GSDMC: variants seen among roughly 807,000 people sequenced by gnomAD.
GSDMC encodes the protein gasdermin-C.
GSDMC carries 59 observed loss-of-function variants against 58.0 expected under a neutral mutation model. That is an observed-to-expected ratio of 1.02 (90% CI 0.82 to 1.26). The LOEUF (loss-of-function observed/expected upper bound fraction) is 1.26. Ranked by LOEUF, GSDMC falls within the 50% of genes most tolerant of loss-of-function variation. The pLI is 0.00. For synonymous variants in GSDMC, 241 were observed against 220.2 expected, an observed-to-expected ratio of 1.09 and a Z score of -0.83; for missense variants, 659 against 598.5, an observed-to-expected ratio of 1.10 and a Z score of -1.06.
chr8:129,728,533 T>C, the GSDMC span, among the ~76,000 whole-genome samples: 49,375 of 152,122 alleles, frequency 0.32, 11,614 homozygotes, highest in African/African-American at 0.65. Context: ...CCTGCCATCA[T>C]GGGACCTGCA....
intron 3 of GSDMC, among the ~76,000 whole-genome samples, chr8:129,773,132 A>G (rs577690265): frequency 1.3e-5 from 2 of 152,344 alleles, no homozygotes; most frequent in African/African-American, 4.8e-5. Flanking sequence ...AATGAAGGCT[A>G]TACATGGTCA....
At position 129,748,597 on chromosome 8, in the gene GSDMC, C is replaced by T; in HGVS notation, c.1431G>A (p.Leu477=). 4.3e-5 allele frequency: 69 copies of T among 1,613,740 alleles called. No individual in the cohort carries two copies. The highest frequency in any genetic ancestry group is 5.8e-5 in the Non-Finnish European group (68 of 1,179,812). ...LLEECGLRME[L]DNPRSTWDVE... Reference sequence around the variant, plus strand: ...CATCCCAGGTTGACCTGGGGTTATCCAGCTCCATCCTAAGGCCACACTCCT... The same window carrying T: ...CATCCCAGGTTGACCTGGGGTTATCTAGCTCCATCCTAAGGCCACACTCCT... The change falls in exon 14 of 14, where the codon CTG becomes CTA. Residue 477 remains leucine, a synonymous_variant. Transcript: ENST00000276708.
At chr8:129,747,381 G>A (rs2032987811), downstream of GSDMC, among the ~76,000 whole-genome samples, 1 of 152,100 alleles carries the variant, frequency 6.6e-6, no homozygotes, top group Admixed American at 6.5e-5. Flanking sequence ...AGCAAGATGG[G>A]AGAAGAACTC....
chr8:129,743,364 G>T (rs1177158588), downstream of GSDMC, among the ~76,000 whole-genome samples: 1 of 151,946 alleles, frequency 6.6e-6, no homozygotes, highest in Non-Finnish European at 1.5e-5. Context: ...CTACTAACAA[G>T]CCTGTACAGT....
At chr8:129,715,045 A>G in the GSDMC span, among the ~76,000 whole-genome samples, 1 of 152,218 alleles carries the variant, frequency 6.6e-6, no homozygotes, top group Non-Finnish European at 1.5e-5. Flanking sequence ...ACCTGAAGTG[A>G]TAACATATTA....
intron 5 of GSDMC, among the ~76,000 whole-genome samples, chr8:129,761,871 C>T (rs1169201600): frequency 6.6e-6 from 1 of 152,200 alleles, no homozygotes; most frequent in African/African-American, 2.4e-5. Context: ...GACATCAGGA[C>T]ACTCCCGTGA....
At chr8:129,740,964 T>A in the GSDMC span, among the ~76,000 whole-genome samples, 2 of 152,300 alleles carry the variant, frequency 1.3e-5, no homozygotes, top group East Asian at 3.9e-4. Flanking sequence ...TCTGGTAGCC[T>A]TGCCGTTTCA....
At chr8:129,727,343 A>T in the GSDMC span, among the ~76,000 whole-genome samples, 3,694 of 152,302 alleles carry the variant, frequency 0.024, 169 homozygotes, top group African/African-American at 0.083. Context: ...TGTGAGCTTA[A>T]TTCAAGAAGG....
intron 2 of GSDMC, among the ~76,000 whole-genome samples, chr8:129,776,576 C>A (rs2034233443): frequency 6.6e-6 from 1 of 152,176 alleles, no homozygotes; most frequent in South Asian, 2.1e-4. Context: ...TGGGATCATC[C>A]TTTCAGGCAC....
At chr8:129,744,853 C>T (rs2032929515), downstream of GSDMC, among the ~76,000 whole-genome samples, 1 of 152,176 alleles carries the variant, frequency 6.6e-6, no homozygotes, top group Non-Finnish European at 1.5e-5. Context: ...ACCATGTGCT[C>T]ATTTAACAAT....
At chr8:129,708,552 A>G in the GSDMC span, among the ~76,000 whole-genome samples, 1 of 152,248 alleles carries the variant, frequency 6.6e-6, no homozygotes, top group African/African-American at 2.4e-5. Context: ...TATATTCACC[A>G]GGACTCTGAG....
At chr8:129,747,697 G>T (rs1185497096), downstream of GSDMC, among the ~76,000 whole-genome samples, 5 of 152,128 alleles carry the variant, frequency 3.3e-5, no homozygotes, top group African/African-American at 4.8e-5. Context: ...AGGAAAATTT[G>T]AAGAGAACAA....
In GSDMC at chr8:129,749,436, C is replaced by G. The variant is rs769350741; in HGVS notation, c.1287+16G>C. 1 of 1,576,006 alleles carries G rather than the reference C, an allele frequency of 6.3e-7. No individual in the cohort carries two copies. The highest frequency in any genetic ancestry group is 1.1e-5 in the South Asian group (1 of 90,320). ...CACCCTCTTCCCTGAACTTCTGGCC[C>G]CTGGGAAGTTCTCACCAGCTCCTGT... On this transcript the variant is annotated intron_variant, in intron 13 of 13. Transcript: ENST00000276708.
chr8:129,777,451 C>G lies in GSDMC; in HGVS notation c.137G>C (p.Arg46Pro). 1 of 1,613,440 alleles carries G rather than the reference C, an allele frequency of 6.2e-7. No individual in the cohort carries two copies. The highest frequency in any genetic ancestry group is 8.5e-7 in the Non-Finnish European group (1 of 1,179,386). Reference sequence around the variant, plus strand: ...GTCAGATTGTTCCCAAAATGATGAACGAGAATCCTTCTTCTTTCGTAATAT... The same window carrying G: ...GTCAGATTGTTCCCAAAATGATGAAGGAGAATCCTTCTTCTTTCGTAATAT... ...FVILRKKKDS[R>P]SSFWEQSDYV... The change falls in exon 2 of 14, where the codon CGT (arginine) becomes CCT (proline). Residue 46 changes from arginine (R) to proline (P), a missense_variant. Arg to Pro is a moderately radical substitution (Grantham distance 103). Coordinates refer to ENST00000276708, the MANE Select transcript of GSDMC (RefSeq NM_031415.3).
At chr8:129,729,651 T>C in the GSDMC span, 3,703 of 359,364 alleles carry the variant, frequency 0.01, 140 homozygotes, top group African/African-American at 0.073. Context: ...CATCCTTTTT[T>C]ATGGCTGCAT....
At chr8:129,720,462 C>T in the GSDMC span, among the ~76,000 whole-genome samples, 659 of 152,200 alleles carry the variant, frequency 4.3e-3, 7 homozygotes, top group African/African-American at 0.013. Context: ...CTGTAATAAA[C>T]ATATACACGT....
At chr8:129,728,668 A>C in the GSDMC span, 1 of 326,450 alleles carries the variant, frequency 3.1e-6, no homozygotes, top group Non-Finnish European at 5.9e-6. Flanking sequence ...ACAAGGATCA[A>C]GTATATACCC....
At position 129,786,150 on chromosome 8, in the gene GSDMC, T is replaced by C. The variant is rs975184755; in HGVS notation, c.-144A>G. On this transcript the variant is annotated 5_prime_UTR_variant, in exon 1 of 14. Coordinates refer to ENST00000276708, the MANE Select transcript of GSDMC (RefSeq NM_031415.3). The stretch of plus-strand genomic sequence containing the variant: ...GAGTTCAAGATCAGCCAGGCCAAGA[T>C]GGTGAAACCCTGTCTCTACTGAAAA... 1 of 152,032 alleles carries C rather than the reference T, an allele frequency of 6.6e-6. No homozygotes were observed. The highest frequency in any genetic ancestry group is 2.4e-5 in the African/African-American group (1 of 41,364). The allele number at this position is 152,032 out of a possible 1,614,324, so 9.4% of individuals were successfully genotyped here.
intron 6 of GSDMC, among the ~76,000 whole-genome samples, chr8:129,754,719 A>G (rs1044941460): frequency 6.6e-6 from 1 of 152,228 alleles, no homozygotes; most frequent in Non-Finnish European, 1.5e-5. Context: ...AGATAACTTG[A>G]GAAGAAATTC....
Sources: allele counts gnomAD v4.1 joint callset (sites outside exome capture counted in the v4.1 genomes callset), GRCh38; gene constraint gnomAD v4.1.1; transcripts MANE v1.5; gene names NCBI Gene and HGNC (gene_info 2026-07-23, HGNC 2026-07-21).